The following TMC1 variants were observed in gnomAD, a reference collection of about 807,000 sequenced individuals.
The protein encoded by TMC1 is transmembrane channel like 1.
In TMC1, 84 loss-of-function variants were observed where a neutral mutation model predicts 105.8. The observed-to-expected ratio is 0.79, with a 90% CI of 0.67 to 0.95. The LOEUF is 0.95. TMC1 is among the 40% of genes least tolerant of loss of function. TMC1 has a pLI of 0.00. For missense variants in TMC1, 817 were observed against 914.1 expected (o/e 0.89, Z 1.37); for synonymous variants, 315 against 311.5 (o/e 1.01, Z -0.12).
chr9:72,685,262 A>G (rs191564995), intron 5 of TMC1, among the ~76,000 whole-genome samples: 531 of 149,990 alleles, frequency 3.5e-3, no homozygotes, highest in Admixed American at 6.0e-3. Flanking sequence ...GCCCACCACC[A>G]CACCCGGATA....
intron 8 of TMC1, among the ~76,000 whole-genome samples, chr9:72,712,372 T>G (rs1826850907): frequency 6.6e-6 from 1 of 152,200 alleles, no homozygotes; most frequent in East Asian, 1.9e-4. Flanking sequence ...TATAGCCATT[T>G]TCACGATATT....
At chr9:72,743,566 C>CAAA (rs386415092) in intron 10 of TMC1, among the ~76,000 whole-genome samples, 22,854 of 101,092 alleles carry the variant, frequency 0.23, 2,415 homozygotes, top group East Asian at 0.44. Flanking sequence ...GACTCTGTTT[C>CAAA]AAAAAAAAAA....
At chr9:72,653,133 A>T (rs183490758) in intron 5 of TMC1, among the ~76,000 whole-genome samples, 10 of 152,330 alleles carry the variant, frequency 6.6e-5, no homozygotes, top group Non-Finnish European at 1.0e-4. Flanking sequence ...ATCACAGTTC[A>T]TTCAGCAAAT....
intron 17 of TMC1, among the ~76,000 whole-genome samples, chr9:72,800,137 G>A (rs779169388): frequency 6.6e-6 from 1 of 152,130 alleles, no homozygotes; most frequent in Non-Finnish European, 1.5e-5. Context: ...TACATTTATG[G>A]CAATTTGTTA....
At chr9:72,665,343 C>G (rs555104633) in intron 5 of TMC1, among the ~76,000 whole-genome samples, 1 of 152,242 alleles carries the variant, frequency 6.6e-6, no homozygotes, top group South Asian at 2.1e-4. Context: ...GGTCCCCACT[C>G]CTTTTCTTAG....
chr9:72,597,122 T>C (rs1301753097), intron 2 of TMC1, among the ~76,000 whole-genome samples: 3 of 152,218 alleles, frequency 2.0e-5, no homozygotes, highest in Admixed American at 1.3e-4. Context: ...GATGAGGAGA[T>C]AGGAAATTCC....
intron 5 of TMC1, chr9:72,655,892 C>G (rs1009180202): frequency 1.0e-5 from 8 of 779,012 alleles, no homozygotes. Context: ...TGGAAGTAAT[C>G]TGCTTAACAA....
At position 72,555,991 on chromosome 9, in the gene TMC1, A is replaced by G. The variant is rs1431467336; in HGVS notation, c.-427-21911A>G. Among the ~76,000 whole-genome samples, 162 of 150,944 alleles carry G rather than the reference A, an allele frequency of 1.1e-3. 2 individuals are homozygous for G. The highest frequency in any genetic ancestry group is 3.9e-3 in the African/African-American group (159 of 41,270). On this transcript the variant is annotated intron_variant, in intron 1 of 23. Transcript: ENST00000297784. ...ACTAAGGCAAAAAAAAAAAAAAAAA[A>G]AAAAAAAAAAAAAGTTGCACAGAGA...
intron 1 of TMC1, among the ~76,000 whole-genome samples, chr9:72,535,394 C>G (rs1427305705): frequency 6.6e-6 from 1 of 152,186 alleles, no homozygotes; most frequent in Admixed American, 6.5e-5. Flanking sequence ...ACCTACATGT[C>G]CTCTTCCCTT....
chr9:72,671,135 G>A (rs1360863068), intron 5 of TMC1, among the ~76,000 whole-genome samples: 1 of 152,198 alleles, frequency 6.6e-6, no homozygotes, highest in Non-Finnish European at 1.5e-5. Context: ...TAGTAGGTTT[G>A]ATGAAGAATG....
chr9:72,594,169 A>G (rs1246327946), intron 2 of TMC1, among the ~76,000 whole-genome samples: 2 of 152,208 alleles, frequency 1.3e-5, no homozygotes, highest in Non-Finnish European at 2.9e-5. Flanking sequence ...TTTTACATGT[A>G]CGCGGAGACC....
chr9:72,685,100 CTTTT>C (rs71359515), intron 5 of TMC1, among the ~76,000 whole-genome samples: 940 of 91,032 alleles, frequency 0.01, 8 homozygotes, highest in African/African-American at 0.038. Flanking sequence ...TAAAGTCATT[CTTTT>C]TTTTTTTTTT....
chr9:72,612,887 C>A (rs1479889252), intron 2 of TMC1, among the ~76,000 whole-genome samples: 1 of 152,094 alleles, frequency 6.6e-6, no homozygotes, highest in Non-Finnish European at 1.5e-5. Context: ...ACAGCCCCCA[C>A]AACAAAAATT....
At chr9:72,643,047 G>C (rs780250713) in intron 4 of TMC1, among the ~76,000 whole-genome samples, 1 of 152,048 alleles carries the variant, frequency 6.6e-6, no homozygotes, top group Non-Finnish European at 1.5e-5. Flanking sequence ...ACTTATTCAC[G>C]TTGTTATATG....
chr9:72,725,801 C>T (rs548994791), intron 8 of TMC1, among the ~76,000 whole-genome samples: 2 of 152,222 alleles, frequency 1.3e-5, no homozygotes, highest in African/African-American at 4.8e-5. Context: ...AGCCATTCTC[C>T]TGCCTCAGCC....
chr9:72,611,937 T>A (rs1459411159), intron 2 of TMC1, among the ~76,000 whole-genome samples: 1 of 152,046 alleles, frequency 6.6e-6, no homozygotes, highest in Non-Finnish European at 1.5e-5. Flanking sequence ...CCACGGCCAT[T>A]CTCTTTCCTT....
At chr9:72,588,440 C>A (rs780454910) in intron 2 of TMC1, among the ~76,000 whole-genome samples, 88 of 152,300 alleles carry the variant, frequency 5.8e-4, no homozygotes, top group Middle Eastern at 3.4e-3. Flanking sequence ...CACTCCTGTG[C>A]TCTCATGTCA....
intron 1 of TMC1, among the ~76,000 whole-genome samples, chr9:72,573,927 T>C (rs956170006): frequency 2.6e-5 from 4 of 152,176 alleles, no homozygotes; most frequent in African/African-American, 9.7e-5. Context: ...TCTTTTCTGC[T>C]CCTCTCCCTC....
Position 72,836,217 on chromosome 9 carries a change from T to G in TMC1, c.*244T>G. 1.8e-6 allele frequency: 1 copy of G among 546,558 alleles called. No individual in the cohort carries two copies. 33.9% of individuals were successfully genotyped at this position (546,558 alleles called of 1,614,324 possible). ...CCACTCTCTCCCCTGCTCCATTTCG[T>G]GACTTTTTTTTTTTTTTTAACAAAT... On this transcript the variant is annotated 3_prime_UTR_variant, in exon 24 of 24. Coordinates refer to ENST00000297784, the MANE Select transcript of TMC1 (RefSeq NM_138691.3).
Sources: gnomAD v4.1 joint callset for allele counts (sites outside exome capture counted in the v4.1 genomes callset) on GRCh38, gnomAD v4.1.1 for gene constraint, MANE v1.5 for transcripts, NCBI Gene and HGNC (gene_info 2026-07-23, HGNC 2026-07-21) for gene names.